SAMMSON: variants seen among roughly 807,000 people sequenced by gnomAD.
SAMMSON encodes the protein survival associated mitochondrial melanoma specific oncogenic non-coding RNA.
chr3:70,084,955 A>G (rs1326422793), intron 4 of SAMMSON: 1 of 152,198 alleles, frequency 6.6e-6, no homozygotes, highest in East Asian at 1.9e-4. Flanking sequence ...TGTACATTAG[A>G]ATAGCATGTG....
At chr3:70,362,624 T>A (rs763904145) in intron 9 of SAMMSON, among the ~76,000 whole-genome samples, 90 of 152,202 alleles carry the variant, frequency 5.9e-4, no homozygotes, top group Non-Finnish European at 8.7e-4. Context: ...TACAAAGTAC[T>A]TTTTGACAAT....
At chr3:70,039,053 AACAG>A (rs2067096692) in intron 3 of SAMMSON, among the ~76,000 whole-genome samples, 1 of 152,144 alleles carries the variant, frequency 6.6e-6, no homozygotes, top group South Asian at 2.1e-4. Context: ...AACCTCTGTG[AACAG>A]ACAGAGAGAG....
intron 3 of SAMMSON, among the ~76,000 whole-genome samples, chr3:70,029,120 A>G (rs184685699): frequency 6.6e-6 from 1 of 152,192 alleles, no homozygotes; most frequent in African/African-American, 2.4e-5. Context: ...ACAGCATGTG[A>G]TAGGAAGTAT....
chr3:70,009,224 C>T (rs909438510), intron 1 of SAMMSON: 1 of 152,100 alleles, frequency 6.6e-6, no homozygotes, highest in Non-Finnish European at 1.5e-5. Context: ...GTACCAGCTC[C>T]TCCTTGTACC....
chr3:70,336,061 A>T (rs2106725281), intron 7 of SAMMSON, among the ~76,000 whole-genome samples: 1 of 152,176 alleles, frequency 6.6e-6, no homozygotes, highest in South Asian at 2.1e-4. Flanking sequence ...CTAAATGAAT[A>T]GACTTCCATT....
intron 7 of SAMMSON, among the ~76,000 whole-genome samples, chr3:70,330,455 T>C (rs994092825): frequency 6.6e-6 from 1 of 152,060 alleles, no homozygotes; most frequent in Non-Finnish European, 1.5e-5. Flanking sequence ...CTTTATATAA[T>C]ACCACTTAAT....
intron 4 of SAMMSON, among the ~76,000 whole-genome samples, chr3:70,215,487 C>T (rs1485379706): frequency 1.3e-5 from 2 of 152,008 alleles, no homozygotes; most frequent in Admixed American, 1.3e-4. Context: ...CCTAGAATTC[C>T]TATTTGATAA....
At chr3:70,282,893 A>T (rs901763284) in intron 6 of SAMMSON, among the ~76,000 whole-genome samples, 1 of 152,170 alleles carries the variant, frequency 6.6e-6, no homozygotes, top group Non-Finnish European at 1.5e-5. Flanking sequence ...ATCTGCCAAC[A>T]TTCTCTCCCC....
chr3:70,402,826 C>A (rs1404611162), intron 2 of SAMMSON, among the ~76,000 whole-genome samples: 1 of 152,072 alleles, frequency 6.6e-6, no homozygotes, highest in African/African-American at 2.4e-5. Flanking sequence ...TGTACCACTG[C>A]ACTCCAGCAT....
chr3:70,107,127 C>A (rs189352858), intron 4 of SAMMSON, among the ~76,000 whole-genome samples: 2 of 152,006 alleles, frequency 1.3e-5, no homozygotes, highest in Non-Finnish European at 2.9e-5. Flanking sequence ...AGAGGGGGAC[C>A]GGGTAAAATG....
intron 7 of SAMMSON, among the ~76,000 whole-genome samples, chr3:70,352,703 A>G (rs561019306): frequency 2.0e-4 from 30 of 152,282 alleles, no homozygotes; most frequent in South Asian, 8.3e-4. Flanking sequence ...TGCATATAGA[A>G]TAAATATTTC....
intron 4 of SAMMSON, among the ~76,000 whole-genome samples, chr3:70,244,881 G>C (rs923204331): frequency 6.6e-6 from 1 of 152,124 alleles, no homozygotes; most frequent in African/African-American, 2.4e-5. Flanking sequence ...TTAGAATAAT[G>C]TACTTTAAAA....
At chr3:70,290,931 G>A (rs541944579) in intron 6 of SAMMSON, among the ~76,000 whole-genome samples, 19 of 152,092 alleles carry the variant, frequency 1.2e-4, no homozygotes, top group Non-Finnish European at 2.1e-4. Context: ...CGCACGGTGC[G>A]CGCACCCACT....
chr3:70,043,872 A>G (rs2107587213), intron 3 of SAMMSON, among the ~76,000 whole-genome samples: 1 of 152,170 alleles, frequency 6.6e-6, no homozygotes, highest in African/African-American at 2.4e-5. Flanking sequence ...GAAGCTTTTA[A>G]AATTCTAGAT....
rs529018207 is a variant in SAMMSON, at chr3:70,167,182, C to T, written n.508-81925C>T. On this transcript the variant is annotated intron_variant and non_coding_transcript_variant, in intron 4 of 9. Coordinates refer to ENST00000642114, the Ensembl canonical transcript of SAMMSON. ...CTGTACACGTTATATTTTAAGTTCT[C>T]ATAGTCACATGTGGCTAGTGACTAT... Among the ~76,000 whole-genome samples, 3 of 152,034 alleles carry T rather than the reference C, an allele frequency of 2.0e-5. No individual in the cohort carries two copies. The East Asian group carries it at 5.8e-4, about 29-fold the overall frequency.
At chr3:70,026,968 G>T (rs749922894) in intron 3 of SAMMSON, among the ~76,000 whole-genome samples, 8 of 152,188 alleles carry the variant, frequency 5.3e-5, no homozygotes, top group Non-Finnish European at 7.3e-5. Context: ...TGGAGGCCCA[G>T]TGCTTAAAAT....
At chr3:70,113,745 G>A (rs1362691522) in intron 4 of SAMMSON, among the ~76,000 whole-genome samples, 1 of 152,172 alleles carries the variant, frequency 6.6e-6, no homozygotes, top group African/African-American at 2.4e-5. Context: ...CTCAGTTGAT[G>A]GCATTTGGAG....
intron 4 of SAMMSON, among the ~76,000 whole-genome samples, chr3:70,128,379 T>C (rs1383942740): frequency 6.6e-6 from 1 of 152,160 alleles, no homozygotes; most frequent in Non-Finnish European, 1.5e-5. Flanking sequence ...AAAATAAAAA[T>C]GAGTTTTGAG....
chr3:70,263,100 A>G (rs1300643310), intron 6 of SAMMSON, among the ~76,000 whole-genome samples: 1 of 152,136 alleles, frequency 6.6e-6, no homozygotes, highest in Non-Finnish European at 1.5e-5. Flanking sequence ...TTGAGCATAT[A>G]GGACAGATTT....
Sources: allele counts gnomAD v4.1 joint callset (sites outside exome capture counted in the v4.1 genomes callset), GRCh38; gene constraint gnomAD v4.1.1; transcripts MANE v1.5; gene names NCBI Gene and HGNC (gene_info 2026-07-23, HGNC 2026-07-21).